NMT2: variants seen among roughly 807,000 people sequenced by gnomAD.
The protein encoded by NMT2 is glycylpeptide N-tetradecanoyltransferase 2.
A neutral mutation model predicts 65.4 loss-of-function variants in NMT2; 35 were observed. That is an observed-to-expected ratio of 0.54 (90% CI 0.41 to 0.71). NMT2 has a LOEUF of 0.71. Among genes scored for constraint, NMT2 ranks in the 30% least tolerant of loss-of-function variants. The pLI, the probability that NMT2 is intolerant of heterozygous loss-of-function variation, is 0.00. For missense variants in NMT2, 489 were observed against 611.3 expected (o/e 0.80, Z 2.11); for synonymous variants, 226 against 231.8 (o/e 0.98, Z 0.23).
At chr10:15,148,792 G>A (rs1320097626) in intron 1 of NMT2, among the ~76,000 whole-genome samples, 3 of 150,588 alleles carry the variant, frequency 2.0e-5, no homozygotes, top group Admixed American at 1.3e-4. Context: ...AGATGAATGA[G>A]AAATCAATAA....
At chr10:15,149,836 G>T (rs750337975) in intron 1 of NMT2, among the ~76,000 whole-genome samples, 11 of 152,142 alleles carry the variant, frequency 7.2e-5, no homozygotes, top group Non-Finnish European at 1.6e-4. Flanking sequence ...AATCCAGACA[G>T]CCTGGCTCCA....
At chr10:15,135,869 G>A (rs945675645) in intron 2 of NMT2, among the ~76,000 whole-genome samples, 4 of 151,860 alleles carry the variant, frequency 2.6e-5, no homozygotes, top group Non-Finnish European at 5.9e-5. Flanking sequence ...GAGAAGGGAA[G>A]GGAAGGGGAG....
intron 1 of NMT2, among the ~76,000 whole-genome samples, chr10:15,152,755 A>G (rs1440518705): frequency 1.3e-5 from 2 of 152,192 alleles, no homozygotes; most frequent in Non-Finnish European, 2.9e-5. Context: ...CTGACTTCCA[A>G]AGTCCAAGGG....
intron 2 of NMT2, among the ~76,000 whole-genome samples, chr10:15,137,361 T>C (rs1846549304): frequency 6.6e-6 from 1 of 152,146 alleles, no homozygotes; most frequent in South Asian, 2.1e-4. Context: ...ATCTTACATT[T>C]GTTTAACATC....
At chr10:15,109,916 T>A in intron 10 of NMT2, 77 bp from the exon 11 acceptor site, 1 of 1,176,066 alleles carries the variant, frequency 8.5e-7, no homozygotes, top group African/African-American at 1.6e-5. Flanking sequence ...GTTTAACAAT[T>A]CTACTAATAG....
chr10:15,133,848 A>G (rs1846377230), intron 3 of NMT2, among the ~76,000 whole-genome samples: 2 of 152,176 alleles, frequency 1.3e-5, no homozygotes, highest in South Asian at 2.1e-4. Flanking sequence ...TCAGCCTCCC[A>G]AAGTGCTGGG....
intron 1 of NMT2, among the ~76,000 whole-genome samples, chr10:15,152,217 T>A (rs1000811117): frequency 6.6e-6 from 1 of 152,074 alleles, no homozygotes; most frequent in Non-Finnish European, 1.5e-5. Flanking sequence ...CAAATGGCGC[T>A]TTTCACCAGG....
intron 8 of NMT2, among the ~76,000 whole-genome samples, chr10:15,127,546 C>CAAAAAAAAAAAAAAAAAAAAAAAAAA (rs1239422956): frequency 3.9e-5 from 2 of 51,366 alleles, no homozygotes; most frequent in African/African-American, 4.9e-5. Context: ...GACTCCGTCT[C>CAAAAAAAAAAAAAAAAAAAAAAAAAA]AAAAAAAAAA....
rs767590716 is a variant in NMT2, at chr10:15,109,221, G to A, written c.1477-6C>T. 1 of 1,603,320 alleles carries A rather than the reference G, an allele frequency of 6.2e-7. No individual in the cohort carries two copies. Among genetic ancestry groups the A allele is most frequent in the South Asian group, 1.1e-5 (1 of 89,494 alleles). Reference sequence around the variant, plus strand: ...TATTGTAGTACTAGTCCAACCTGAAGGGAGGGAAGAAATGGAATAGTAAGA... The same window carrying A: ...TATTGTAGTACTAGTCCAACCTGAAAGGAGGGAAGAAATGGAATAGTAAGA... On this transcript the variant is annotated splice_region_variant and splice_polypyrimidine_tract_variant and intron_variant, in intron 11 of 11. Transcript: ENST00000378165.
chr10:15,167,895 C>T (rs1833427210), intron 1 of NMT2, among the ~76,000 whole-genome samples: 1 of 152,218 alleles, frequency 6.6e-6, no homozygotes, highest in African/African-American at 2.4e-5. Flanking sequence ...ACAGGCGAGG[C>T]GGTGCAAAGC....
In NMT2 at chr10:15,119,335, G is replaced by T. The variant is rs45582333; in HGVS notation, c.1170+8C>A. The T allele has an allele frequency of 0.056, 91,041 of 1,613,188 alleles. 2,775 individuals carry two copies. The highest frequency in any genetic ancestry group is 0.083 in the East Asian group (3,710 of 44,880). The stretch of plus-strand genomic sequence containing the variant: ...GGAGAAGCTTTATGTTTATCACCTT[G>T]TCTTTACCTCCACTACAAACGTGTC... On this transcript the variant is annotated splice_region_variant and intron_variant, in intron 9 of 11. Transcript: ENST00000378165.
rs529378611 is a variant in NMT2, at chr10:15,136,395, AGG to A, written c.247-979_247-978del. Among the ~76,000 whole-genome samples the A allele has an allele frequency of 3.1e-5, 4 of 128,828 alleles. No homozygotes were observed. In the South Asian group the frequency reaches 8.6e-4, roughly 28 times the overall value. The allele number at this position is 128,828 out of a possible 152,430, so 84.5% of individuals were successfully genotyped here. A position where few individuals can be genotyped will look rare whatever the true frequency, so the allele number is the denominator to read the frequency against. On this transcript the variant is annotated intron_variant, in intron 2 of 11. Transcript: ENST00000378165. Reference sequence around the variant, plus strand: ...GAGGGAGGAAGGAAGGAAGGAAGGTAGGGGGGAGAGACAGAGAGGGAGAGGGA... The same window carrying A: ...GAGGGAGGAAGGAAGGAAGGAAGGTAGGGGAGAGACAGAGAGGGAGAGGGA...
chr10:15,118,202 A>G (rs1456935765), intron 9 of NMT2, among the ~76,000 whole-genome samples: 1 of 152,246 alleles, frequency 6.6e-6, no homozygotes, highest in Non-Finnish European at 1.5e-5. Flanking sequence ...TAGAGGACCC[A>G]GAAAGGAACG....
rs1845418160 is a variant in NMT2, at chr10:15,109,149, T to G, written c.*46A>C. 1.9e-6 allele frequency: 3 copies of G among 1,597,972 alleles called. No individual in the cohort carries two copies. Among genetic ancestry groups the G allele is most frequent in the Non-Finnish European group, 2.6e-6 (3 of 1,175,478 alleles). On this transcript the variant is annotated 3_prime_UTR_variant, in exon 12 of 12. Coordinates refer to ENST00000378165, the MANE Select transcript of NMT2 (RefSeq NM_004808.3). The stretch of plus-strand genomic sequence containing the variant: ...AATGGCAGTTCCAGAAATCATTAAA[T>G]ATTAACAAATGATGATGTCAGAGTT...
Position 15,150,596 on chromosome 10 carries a change from C to T in NMT2, c.111-9039G>A, listed in dbSNP as rs1337023141. 2.6e-5 allele frequency among the ~76,000 whole-genome samples: 4 copies of T among 152,128 alleles called. No homozygotes were observed. The East Asian group carries it at 7.7e-4, about 29-fold the overall frequency. ...AAGTATCTACAAAGCAACATCGTCT[C>T]TGTGCAAAGCAGTAAGTCATGGACA... On this transcript the variant is annotated intron_variant, in intron 1 of 11. Transcript: ENST00000378165.
chr10:15,136,773 A>G (rs1427685833), intron 2 of NMT2, among the ~76,000 whole-genome samples: 1 of 151,784 alleles, frequency 6.6e-6, no homozygotes, highest in African/African-American at 2.4e-5. Context: ...TTTGAATTCT[A>G]AGGTTCCTTT....
At chr10:15,134,357 G>C (rs949416994) in intron 3 of NMT2, among the ~76,000 whole-genome samples, 2 of 152,298 alleles carry the variant, frequency 1.3e-5, no homozygotes, top group South Asian at 4.1e-4. Flanking sequence ...GATGACCGGG[G>C]CAGGCCTCAG....
intron 1 of NMT2, chr10:15,154,814 G>C (rs542282736): frequency 1.3e-6 from 1 of 766,454 alleles, no homozygotes; most frequent in South Asian, 1.3e-5. Context: ...GTTGTCCACA[G>C]TCAGCAGTGG....
chr10:15,138,572 T>C (rs1307500441), intron 2 of NMT2: 11 of 437,630 alleles, frequency 2.5e-5, no homozygotes, highest in Non-Finnish European at 9.5e-6. Context: ...TGTGGCATAC[T>C]AACCAGCAAC....
Sources: allele counts gnomAD v4.1 joint callset (sites outside exome capture counted in the v4.1 genomes callset), GRCh38; gene constraint gnomAD v4.1.1; transcripts MANE v1.5; gene names NCBI Gene and HGNC (gene_info 2026-07-23, HGNC 2026-07-21).